Variants in MEI1 observed in about 807,000 individuals in gnomAD.
MEI1 encodes the protein meiosis inhibitor protein 1.
MEI1 carries 103 observed loss-of-function variants against 146.2 expected under a neutral mutation model. That is an observed-to-expected ratio of 0.70 (90% CI 0.60 to 0.83). MEI1 has a LOEUF of 0.83. Ranked by LOEUF, MEI1 falls within the 40% of genes least tolerant of loss-of-function variation. The pLI, the probability that MEI1 is intolerant of heterozygous loss-of-function variation, is 0.00. For synonymous variants in MEI1, 652 were observed against 628.2 expected (o/e 1.04, Z -0.57); for missense variants, 1,529 against 1,533.0 (o/e 1.00, Z 0.04).
At chr22:41,735,276 G>T (rs1475761116) in intron 11 of MEI1, among the ~76,000 whole-genome samples, 1 of 140,810 alleles carries the variant, frequency 7.1e-6, no homozygotes, top group African/African-American at 2.6e-5. Context: ...TTGTTGCCCA[G>T]GCTGGAGTGC....
In MEI1 at chr22:41,770,754, T is replaced by A; in HGVS notation, c.2337T>A (p.His779Gln). 1.2e-6 allele frequency: 2 copies of A among 1,613,942 alleles called. No homozygotes were observed. The highest frequency in any genetic ancestry group is 1.7e-6 in the Non-Finnish European group (2 of 1,179,854). ...ACCTGCAGCTAGTCTATACTCACCA[T>A]CCGCTCCTGCTCAGGTTCTTTCTGT... ...IPDLQLVYTH[H>Q]PLLLRFFLLY... Residue 779 changes from histidine to glutamine, a missense_variant, in exon 20 of 31, where the codon CAT becomes CAA. Physicochemically the swap from His to Gln is conservative, Grantham distance 24. Transcript: ENST00000401548.
At chr22:41,751,471 G>T (rs986939243) in intron 15 of MEI1, among the ~76,000 whole-genome samples, 3 of 152,140 alleles carry the variant, frequency 2.0e-5, no homozygotes, top group African/African-American at 7.2e-5. Flanking sequence ...GCCTGGGCCA[G>T]GGTCAACAGC....
In MEI1 at chr22:41,705,490, C is replaced by T; in HGVS notation, c.299-14C>T. 6.2e-7 allele frequency: 1 copy of T among 1,613,326 alleles called. No homozygotes were observed. ...CTGCCTAACCACCCCTTTCTTACCT[C>T]CCTCTGCTCCAAGGACTATTATGCA... is the stretch of plus-strand genomic sequence containing the variant. On this transcript the variant is annotated splice_polypyrimidine_tract_variant and intron_variant, in intron 2 of 30. Coordinates refer to ENST00000401548, the MANE Select transcript of MEI1 (RefSeq NM_152513.4).
At chr22:41,735,248 T>G (rs1366553828) in intron 11 of MEI1, among the ~76,000 whole-genome samples, 1 of 139,686 alleles carries the variant, frequency 7.2e-6, no homozygotes, top group South Asian at 2.2e-4. Context: ...TTTTTTTTTT[T>G]GAGATGGAGT....
chr22:41,704,593 T>C (rs1569138174), intron 2 of MEI1, among the ~76,000 whole-genome samples: 1 of 151,914 alleles, frequency 6.6e-6, no homozygotes, highest in Non-Finnish European at 1.5e-5. Flanking sequence ...TTTGCATTTT[T>C]AGTAGAGATG....
At position 41,776,247 on chromosome 22, in the gene MEI1, A is replaced by C. The variant is rs756120482; in HGVS notation, c.2690A>C (p.His897Pro). ...ATCCTGCAGCGTCTGCTAGTGGAGC[A>C]TGGGGCATCCCCATCAGGAGGTCAG... ...LLILQRLLVE[H>P]GASPSGASGN... The change falls in exon 21 of 31, where the codon CAT becomes CCT. Residue 897 changes from histidine (H) to proline (P), a missense_variant. By Grantham distance (77) the His-to-Pro change is moderately conservative. This residue lies in a region of MEI1 where 1,212 missense variants were observed against 1,178.9 expected (regional missense o/e 1.03). Coordinates refer to ENST00000401548, the MANE Select transcript of MEI1 (RefSeq NM_152513.4). 6.2e-7 allele frequency: 1 copy of C among 1,613,744 alleles called. No individual in the cohort carries two copies. Among genetic ancestry groups the C allele is most frequent in the Admixed American group, 1.7e-5 (1 of 60,024 alleles).
intron 19 of MEI1, among the ~76,000 whole-genome samples, chr22:41,764,626 G>A (rs897223998): frequency 1.3e-5 from 2 of 152,232 alleles, no homozygotes; most frequent in African/African-American, 4.8e-5. Flanking sequence ...TAGGTGAGAG[G>A]TTCAGTGATG....
chr22:41,755,675 A>G (rs2074043764), intron 17 of MEI1, among the ~76,000 whole-genome samples: 1 of 152,216 alleles, frequency 6.6e-6, no homozygotes, highest in Admixed American at 6.5e-5. Flanking sequence ...GTGCCAGGAA[A>G]TGCAGCACAT....
chr22:41,763,455 G>A, intron 19 of MEI1, 134 bp downstream of exon 19: 2 of 940,228 alleles, frequency 2.1e-6, no homozygotes, highest in South Asian at 1.7e-5. Flanking sequence ...TTAGGAGTGT[G>A]GAGAGGAGTA....
chr22:41,732,288 G>T lies in MEI1; in HGVS notation c.1140G>T (p.Met380Ile). 1 of 1,612,328 alleles carries T rather than the reference G, an allele frequency of 6.2e-7. No homozygotes were observed. The highest frequency in any genetic ancestry group is 8.5e-7 in the Non-Finnish European group (1 of 1,179,328). ...VVRSLQGSLK[M>I]NNIELHKQGL... ...GGAGCCTGCAGGGAAGCCTGAAGATGAACAACATAGAGCTGCACAAGCAGG... is the reference window on the plus strand; with the variant it reads ...GGAGCCTGCAGGGAAGCCTGAAGATTAACAACATAGAGCTGCACAAGCAGG... The change falls in exon 10 of 31, where the codon ATG becomes ATT. Residue 380 changes from methionine (M) to isoleucine (I), a missense_variant. By Grantham distance (10) the Met-to-Ile change is conservative. Around this residue, in one of 3 missense-constraint regions of MEI1, gnomAD observed 1,212 missense variants for 1,178.9 expected, o/e 1.03. Transcript: ENST00000401548.
At chr22:41,712,360 G>A (rs1268587545) in intron 3 of MEI1, among the ~76,000 whole-genome samples, 1 of 150,736 alleles carries the variant, frequency 6.6e-6, no homozygotes, top group African/African-American at 2.4e-5. Flanking sequence ...TCGGTCTCCC[G>A]AGTAGCTGGG....
chr22:41,731,950 G>A (rs2071901844), intron 9 of MEI1, among the ~76,000 whole-genome samples: 1 of 152,148 alleles, frequency 6.6e-6, no homozygotes, highest in African/African-American at 2.4e-5. Flanking sequence ...CTCCAAGGAG[G>A]AACAGGAGTA....
intron 14 of MEI1, 52 bp downstream of exon 14, chr22:41,746,078 T>A (rs994814871): frequency 7.3e-6 from 11 of 1,506,370 alleles, no homozygotes; most frequent in Non-Finnish European, 9.9e-6. Flanking sequence ...GAGAAGAATG[T>A]GCAGGCGAGC....
At chr22:41,710,412 A>G (rs897262678) in intron 3 of MEI1, among the ~76,000 whole-genome samples, 2 of 152,006 alleles carry the variant, frequency 1.3e-5, no homozygotes, top group Non-Finnish European at 2.9e-5. Flanking sequence ...TAGGGAAATG[A>G]CTCCCACTTT....
intron 19 of MEI1, 69 bp downstream of exon 19, chr22:41,763,390 A>G: frequency 1.3e-6 from 2 of 1,528,948 alleles, no homozygotes; most frequent in African/African-American, 1.4e-5. Context: ...CTGGGAGACC[A>G]TGATGATGAT....
Position 41,718,055 on chromosome 22 carries a change from G to C in MEI1, c.530-16G>C, listed in dbSNP as rs1448771531. ...TTGTGAAATTTCCCTTGGCTCCTTG[G>C]TTGTTTTCTGGACAGGCAACCTGAT... is the stretch of plus-strand genomic sequence containing the variant. On this transcript the variant is annotated splice_polypyrimidine_tract_variant and intron_variant, in intron 5 of 30. Coordinates refer to ENST00000401548, the MANE Select transcript of MEI1 (RefSeq NM_152513.4). The C allele has an allele frequency of 1.9e-6, 3 of 1,584,348 alleles. No individual in the cohort carries two copies. Among genetic ancestry groups the C allele is most frequent in the Non-Finnish European group, 2.6e-6 (3 of 1,163,456 alleles).
At position 41,758,543 on chromosome 22, in the gene MEI1, C is replaced by T; in HGVS notation, c.2120+10C>T. On this transcript the variant is annotated intron_variant, in intron 18 of 30. Coordinates refer to ENST00000401548, the MANE Select transcript of MEI1 (RefSeq NM_152513.4). ...ACATCCATGAAGACAGGTCAGTGCA[C>T]AGAGGTGGGTGGCTGGTGGTGGGTC... 1 of 1,605,642 alleles carries T rather than the reference C, an allele frequency of 6.2e-7. No individual in the cohort carries two copies. Among genetic ancestry groups the T allele is most frequent in the Non-Finnish European group, 8.5e-7 (1 of 1,173,940 alleles).
At chr22:41,708,502 G>A (rs2069275449) in intron 3 of MEI1, among the ~76,000 whole-genome samples, 2 of 151,680 alleles carry the variant, frequency 1.3e-5, no homozygotes, top group Admixed American at 1.3e-4. Flanking sequence ...GCAGACAGTC[G>A]TTAACAGTAT....
chr22:41,771,795 A>G (rs2075196636), intron 20 of MEI1, among the ~76,000 whole-genome samples: 1 of 152,142 alleles, frequency 6.6e-6, no homozygotes, highest in African/African-American at 2.4e-5. Flanking sequence ...ATTGAACAAC[A>G]AATTAGATAC....
Sources: gnomAD v4.1 joint callset for allele counts (sites outside exome capture counted in the v4.1 genomes callset) on GRCh38, gnomAD v4.1.1 for gene constraint, gnomAD v4.1.1 regional missense constraint, MANE v1.5 for transcripts, NCBI Gene and HGNC (gene_info 2026-07-23, HGNC 2026-07-21) for gene names.